CAPRIN2: variants seen among roughly 807,000 people sequenced by gnomAD.
CAPRIN2 encodes caprin-2.
Under a neutral mutation model 130.4 loss-of-function variants are expected in CAPRIN2, and 66 were observed. The ratio of observed to expected loss-of-function variants is 0.51; its 90% CI spans 0.42 to 0.62. The LOEUF (loss-of-function observed/expected upper bound fraction) is 0.62, where lower values mean the gene tolerates loss of function less well. CAPRIN2 is among the 20% of genes least tolerant of loss of function. The pLI is 0.00. For synonymous variants in CAPRIN2, 471 were observed against 444.1 expected (o/e 1.06, Z -0.76); for missense variants, 1,185 against 1,246.6 (o/e 0.95, Z 0.74).
At chr12:30,718,116 G>A (rs1185086363) in intron 12 of CAPRIN2, among the ~76,000 whole-genome samples, 1 of 152,322 alleles carries the variant, frequency 6.6e-6, no homozygotes, top group South Asian at 2.1e-4. Context: ...CAGGGGACTA[G>A]TGTGACAGGT....
intron 15 of CAPRIN2, among the ~76,000 whole-genome samples, chr12:30,713,463 T>C (rs1264776469): frequency 1.3e-5 from 2 of 152,228 alleles, no homozygotes; most frequent in East Asian, 3.8e-4. Flanking sequence ...ACCATTTCCT[T>C]GATAAGTGAC....
chr12:30,747,583 A>G (rs773113319), intron 2 of CAPRIN2, among the ~76,000 whole-genome samples: 74 of 152,196 alleles, frequency 4.9e-4, no homozygotes, highest in Non-Finnish European at 7.5e-4. Context: ...AGGCTGAGGC[A>G]GGAGAATCGC....
chr12:30,728,585 C>A, intron 8 of CAPRIN2, 63 bp downstream of exon 9: 10 of 1,290,972 alleles, frequency 7.7e-6, no homozygotes, highest in South Asian at 7.4e-5. Flanking sequence ...ACTAAAAAGT[C>A]ATTACCACGA....
chr12:30,751,741 A>C (rs1592350611), intron 1 of CAPRIN2: 2 of 152,238 alleles, frequency 1.3e-5, no homozygotes, highest in African/African-American at 4.8e-5. Flanking sequence ...TTTTCCTAAA[A>C]AGAAACTCCT....
rs528993563 is a variant in CAPRIN2, at chr12:30,729,905, C to T, written c.1104+334G>A. 7.4e-4 allele frequency among the ~76,000 whole-genome samples: 113 copies of T among 152,268 alleles called. 1 individual carries two copies. In the South Asian group the frequency reaches 0.021, roughly 28 times the overall value. ...AAATTCTGGAGAGAGCAAAGTCCTG[C>T]GCATCTTAAAGTTCCTCTAACACAG... On this transcript the variant is annotated intron_variant, in intron 7 of 16. Coordinates refer to ENST00000298892, the Ensembl canonical transcript of CAPRIN2.
intron 3 of CAPRIN2, among the ~76,000 whole-genome samples, chr12:30,736,935 C>T (rs539341174): frequency 6.6e-6 from 1 of 152,310 alleles, no homozygotes; most frequent in South Asian, 2.1e-4. Context: ...TTTGGCCAGT[C>T]TCCCAAGGTA....
intron 7 of CAPRIN2, 43 bp from the exon 9 acceptor site, chr12:30,729,368 A>C (rs1256450390): frequency 1.4e-6 from 2 of 1,390,154 alleles, no homozygotes; most frequent in African/African-American, 2.9e-5. Flanking sequence ...AATTCATAGA[A>C]GACCTTGGAG....
chr12:30,717,595 T>TAA (rs149419402), intron 12 of CAPRIN2, among the ~76,000 whole-genome samples: 1 of 146,940 alleles, frequency 6.8e-6, no homozygotes, highest in African/African-American at 2.5e-5. Context: ...TTTACCATAG[T>TAA]AAAAAAAAAA....
intron 16 of CAPRIN2, among the ~76,000 whole-genome samples, chr12:30,711,362 T>C (rs1186530253): frequency 3.9e-5 from 6 of 152,200 alleles, no homozygotes. Flanking sequence ...CCCACCCTTT[T>C]AATTCAATTT....
intron 2 of CAPRIN2, among the ~76,000 whole-genome samples, chr12:30,750,295 GT>G (rs1209559899): frequency 6.6e-6 from 1 of 152,142 alleles, no homozygotes; most frequent in Non-Finnish European, 1.5e-5. Context: ...AAAGATTTCA[GT>G]TGAAAAACAT....
intron 2 of CAPRIN2, among the ~76,000 whole-genome samples, chr12:30,746,105 T>G (rs1206008096): frequency 6.7e-6 from 1 of 149,684 alleles, no homozygotes; most frequent in Non-Finnish European, 1.5e-5. Context: ...AGACCATGTA[T>G]AGTGGAAACA....
At position 30,737,672 on chromosome 12, in the gene CAPRIN2, A is replaced by T. The variant is rs577170784; in HGVS notation, c.571-2466T>A. 7.1e-5 allele frequency among the ~76,000 whole-genome samples: 10 copies of T among 140,226 alleles called. No homozygotes were observed. In the South Asian group the frequency reaches 2.3e-3, roughly 32 times the overall value. 92.0% of individuals were successfully genotyped at this position (140,226 alleles called of 152,430 possible). A position where few individuals can be genotyped will look rare whatever the true frequency, so the allele number is the denominator to read the frequency against. On this transcript the variant is annotated intron_variant, in intron 3 of 16. Transcript: ENST00000298892. ...GAGTGCAGTGGCACGATCTCGGCCC[A>T]CTGCAAGCTCTGCCTCCCGGGTTCA...
chr12:30,727,510 A>G (rs2061300632), intron 8 of CAPRIN2, among the ~76,000 whole-genome samples: 1 of 152,236 alleles, frequency 6.6e-6, no homozygotes, highest in African/African-American at 2.4e-5. Flanking sequence ...AGACTACTCC[A>G]TAGAGATAGA....
rs189140131 is a variant in CAPRIN2 at position 30,733,479 on chromosome 12, A to G, written c.892+150T>C. On this transcript the variant is annotated intron_variant, in intron 5 of 16. Coordinates refer to ENST00000298892, the Ensembl canonical transcript of CAPRIN2. ...TACAATAGCTGCTTTTAACAGAACT[A>G]AACAAAGGGATCATTCTCCCAGTGA... 3.9e-5 allele frequency: 24 copies of G among 620,710 alleles called. No homozygotes were observed. The East Asian group carries it at 6.3e-4, about 16-fold the overall frequency. 38.5% of individuals were successfully genotyped at this position (620,710 alleles called of 1,614,324 possible). A position where few individuals can be genotyped will look rare whatever the true frequency, so the allele number is the denominator to read the frequency against.
intron 12 of CAPRIN2, 96 bp downstream of exon 14, chr12:30,718,983 C>G (rs2058519477): frequency 7.2e-7 from 1 of 1,386,724 alleles, no homozygotes; most frequent in Non-Finnish European, 9.7e-7. Context: ...TTACAAAAGG[C>G]AAACTTTTCA....
upstream of CAPRIN2, chr12:30,754,519 A>G (rs1218426631): frequency 1.3e-5 from 2 of 150,772 alleles, no homozygotes; most frequent in African/African-American, 4.9e-5. Context: ...ACCGACCCCC[A>G]CCCTTCCCAC....
At chr12:30,715,367 TACA>T (rs2057165101) in intron 13 of CAPRIN2, 1 of 618,400 alleles carries the variant, frequency 1.6e-6, no homozygotes, top group South Asian at 1.6e-5. Flanking sequence ...TGACCCATGC[TACA>T]ACATGAATGA....
intron 8 of CAPRIN2, among the ~76,000 whole-genome samples, chr12:30,726,952 T>A (rs2061116848): frequency 6.6e-6 from 1 of 152,124 alleles, no homozygotes; most frequent in Non-Finnish European, 1.5e-5. Context: ...ATATTACACA[T>A]AGAAGTATCC....
At chr12:30,748,251 C>T (rs995488844) in intron 2 of CAPRIN2, among the ~76,000 whole-genome samples, 2 of 152,162 alleles carry the variant, frequency 1.3e-5, no homozygotes, top group Admixed American at 1.3e-4. Context: ...AGACATCTTT[C>T]ATGAAAGAGA....
Sources: gnomAD v4.1 joint callset for allele counts (sites outside exome capture counted in the v4.1 genomes callset) on GRCh38, gnomAD v4.1.1 for gene constraint, MANE v1.5 for transcripts, NCBI Gene and HGNC (gene_info 2026-07-23, HGNC 2026-07-21) for gene names.